The following NAALADL2 variants were observed in gnomAD, a reference collection of about 807,000 sequenced individuals.
The protein encoded by NAALADL2 is inactive N-acetylated-alpha-linked acidic dipeptidase-like protein 2.
Under a neutral mutation model 87.2 loss-of-function variants are expected in NAALADL2, and 76 were observed. The observed-to-expected ratio is 0.87, with a 90% CI of 0.72 to 1.05. The LOEUF is 1.05. NAALADL2 is among the 50% of genes least tolerant of loss of function. NAALADL2 has a pLI of 0.00. For synonymous variants in NAALADL2, 354 were observed against 331.0 expected (o/e 1.07, Z -0.75); for missense variants, 1,089 against 945.8 (o/e 1.15, Z -1.99).
chr3:174,782,671 T>C (rs1578906942), intron 3 of NAALADL2, among the ~76,000 whole-genome samples: 1 of 152,078 alleles, frequency 6.6e-6, no homozygotes, highest in East Asian at 1.9e-4. Context: ...TCTGCATGGC[T>C]GGGAAGGCCT....
chr3:175,736,193 C>T (rs1038276120), intron 11 of NAALADL2, among the ~76,000 whole-genome samples: 1 of 152,104 alleles, frequency 6.6e-6, no homozygotes, highest in Non-Finnish European at 1.5e-5. Context: ...AGCTGTAGTG[C>T]ATGTGTTAAT....
chr3:175,718,374 C>A (rs1741695244), intron 11 of NAALADL2: 3 of 1,598,058 alleles, frequency 1.9e-6, no homozygotes, highest in African/African-American at 1.3e-5. Context: ...GGGTCCACCA[C>A]TCCATTAGAA....
rs116730719 is a variant in NAALADL2 at position 175,333,022 on chromosome 3, A to G, written c.1090+8697A>G. ...ATTCTATATGTGTCTTTACATGTCA[A>G]TTCTTGGGTTTTCAGGCTTGCTTGG... On this transcript the variant is annotated intron_variant, in intron 5 of 13. Transcript: ENST00000454872. 7.6e-3 allele frequency among the ~76,000 whole-genome samples: 1,154 copies of G among 152,170 alleles called. 20 individuals are homozygous for G. Among genetic ancestry groups the G allele is most frequent in the African/African-American group, 0.027 (1,113 of 41,512 alleles).
At chr3:174,561,528 G>T (rs1713619684) in intron 2 of NAALADL2, among the ~76,000 whole-genome samples, 1 of 152,066 alleles carries the variant, frequency 6.6e-6, no homozygotes, top group Admixed American at 6.6e-5. Flanking sequence ...TCAGGCCAGG[G>T]TGGTCACACA....
intron 10 of NAALADL2, among the ~76,000 whole-genome samples, chr3:175,578,777 C>T (rs1253002406): frequency 6.6e-6 from 1 of 152,142 alleles, no homozygotes; most frequent in African/African-American, 2.4e-5. Context: ...TTTGTTTGAC[C>T]TATAAGTTAC....
At position 175,016,952 on chromosome 3, in the gene NAALADL2, T is replaced by G. The variant is rs553780312; in HGVS notation, c.44-79838T>G. On this transcript the variant is annotated intron_variant, in intron 1 of 13. Transcript: ENST00000454872. ...TTATTGTCTACTAGCTATTTTGAAA[T>G]GTACAATAGATTATTTTTTACTATA... Among the ~76,000 whole-genome samples, 47 of 152,150 alleles carry G rather than the reference T, an allele frequency of 3.1e-4. 1 individual carries two copies. Among genetic ancestry groups the G allele is most frequent in the Non-Finnish European group, 2.2e-4 (15 of 67,962 alleles).
chr3:174,833,259 C>G (rs961415213), intron 3 of NAALADL2, among the ~76,000 whole-genome samples: 1 of 152,112 alleles, frequency 6.6e-6, no homozygotes, highest in Non-Finnish European at 1.5e-5. Flanking sequence ...TCTGTTAGGT[C>G]TCTGGAAAGT....
At chr3:174,980,719 A>G (rs1210830020) in intron 1 of NAALADL2, among the ~76,000 whole-genome samples, 1 of 152,164 alleles carries the variant, frequency 6.6e-6, no homozygotes, top group African/African-American at 2.4e-5. Flanking sequence ...TTTAATTATA[A>G]TACATAGGGC....
At chr3:175,418,476 A>C (rs972654677) in intron 5 of NAALADL2, among the ~76,000 whole-genome samples, 1 of 152,152 alleles carries the variant, frequency 6.6e-6, no homozygotes. Context: ...ATCTTTGATC[A>C]ATGTTTCTAG....
At chr3:175,300,783 A>AT (rs1231920141) in intron 4 of NAALADL2, among the ~76,000 whole-genome samples, 11 of 140,122 alleles carry the variant, frequency 7.9e-5, no homozygotes, top group East Asian at 2.0e-4. Flanking sequence ...TTATTTATTT[A>AT]TTTATTTTAT....
At chr3:175,465,898 T>C (rs1582004981) in intron 7 of NAALADL2, among the ~76,000 whole-genome samples, 1 of 152,246 alleles carries the variant, frequency 6.6e-6, no homozygotes, top group African/African-American at 2.4e-5. Flanking sequence ...GGGTGATTCA[T>C]TTATTCCACC....
At chr3:175,021,910 A>G (rs547859310) in intron 1 of NAALADL2, among the ~76,000 whole-genome samples, 61 of 152,186 alleles carry the variant, frequency 4.0e-4, no homozygotes, top group African/African-American at 1.2e-3. Flanking sequence ...GTGATCTTCA[A>G]TGTTGGAAGT....
chr3:175,280,934 A>G (rs1754216770), intron 4 of NAALADL2, among the ~76,000 whole-genome samples: 1 of 151,984 alleles, frequency 6.6e-6, no homozygotes, highest in Non-Finnish European at 1.5e-5. Flanking sequence ...TACATTGATG[A>G]AGAAAAATGT....
chr3:174,705,162 A>C (rs1186496694), intron 2 of NAALADL2, among the ~76,000 whole-genome samples: 3 of 152,102 alleles, frequency 2.0e-5, no homozygotes, highest in Non-Finnish European at 4.4e-5. Context: ...ACTCACACAC[A>C]CACCCCACTC....
chr3:175,672,870 A>C (rs1167459178), intron 11 of NAALADL2, among the ~76,000 whole-genome samples: 1 of 152,212 alleles, frequency 6.6e-6, no homozygotes, highest in Non-Finnish European at 1.5e-5. Flanking sequence ...TGTGTAATTT[A>C]TAAGGCTATT....
At chr3:174,584,196 A>C (rs1390944123) in intron 2 of NAALADL2, among the ~76,000 whole-genome samples, 1 of 152,158 alleles carries the variant, frequency 6.6e-6, no homozygotes, top group Non-Finnish European at 1.5e-5. Context: ...GTGTGGGTTC[A>C]TAGATGGAAG....
chr3:174,934,278 T>C (rs1044539926), intron 1 of NAALADL2, among the ~76,000 whole-genome samples: 7 of 152,206 alleles, frequency 4.6e-5, no homozygotes, highest in African/African-American at 1.2e-4. Context: ...GTATGATTTC[T>C]TAACCAAGAG....
intron 1 of NAALADL2, among the ~76,000 whole-genome samples, chr3:174,533,027 A>G (rs573821069): frequency 6.6e-6 from 1 of 151,302 alleles, no homozygotes; most frequent in African/African-American, 2.4e-5. Flanking sequence ...CCTTATTTGG[A>G]AAGAGGACTA....
chr3:175,307,465 T>C lies in NAALADL2; in HGVS notation c.940-16710T>C, dbSNP rs920134319. ...AAAATAAAGGTGTCTGGAATATTCT[T>C]GTACCCTTGAACATTTGGAGACATA... On this transcript the variant is annotated intron_variant, in intron 4 of 13. Transcript: ENST00000454872. Among the ~76,000 whole-genome samples, 4 of 152,284 alleles carry C rather than the reference T, an allele frequency of 2.6e-5. No individual in the cohort carries two copies. In the South Asian group the frequency reaches 6.2e-4, roughly 24 times the overall value.
Sources: allele counts gnomAD v4.1 joint callset (sites outside exome capture counted in the v4.1 genomes callset), GRCh38; gene constraint gnomAD v4.1.1; transcripts MANE v1.5; gene names NCBI Gene and HGNC (gene_info 2026-07-23, HGNC 2026-07-21).